SRRM4: variants seen among roughly 807,000 people sequenced by gnomAD.
SRRM4 encodes serine/arginine repetitive matrix 4.
SRRM4 carries 33 observed loss-of-function variants against 68.9 expected under a neutral mutation model. The ratio of observed to expected loss-of-function variants is 0.48; its 90% CI spans 0.36 to 0.64. The LOEUF (loss-of-function observed/expected upper bound fraction) is 0.64, where lower values mean the gene tolerates loss of function less well. Among genes scored for constraint, SRRM4 ranks in the 30% least tolerant of loss-of-function variants. The probability of loss-of-function intolerance (pLI) is 0.00; values close to 1 mark genes in which losing one functional copy is unlikely to be tolerated. For synonymous variants in SRRM4, 318 were observed against 318.8 expected (o/e 1.00, Z 0.03); for missense variants, 817 against 827.1 (o/e 0.99, Z 0.15).
chr12:119,109,881 C>T (rs921564615), intron 2 of SRRM4, among the ~76,000 whole-genome samples: 10 of 152,222 alleles, frequency 6.6e-5, no homozygotes, highest in African/African-American at 2.4e-4. Flanking sequence ...GAGCTGCGTT[C>T]CTTTGGAGGA....
chr12:119,008,737 C>A (rs1276582202), intron 1 of SRRM4, among the ~76,000 whole-genome samples: 4 of 152,162 alleles, frequency 2.6e-5, no homozygotes, highest in African/African-American at 9.7e-5. Context: ...GAAACCCCTC[C>A]CTCATCAGTG....
In SRRM4 at chr12:119,091,496, G is replaced by A. The variant is rs1954014188; in HGVS notation, c.132-10740G>A. ...AGTCACAGTGAGTGGGTCTCCAGAG[G>A]CAATCTTTGCAAGTGAGGCTGGAGA... On this transcript the variant is annotated intron_variant, in intron 1 of 12. Coordinates refer to ENST00000267260, the MANE Select transcript of SRRM4 (RefSeq NM_194286.4). 1.3e-5 allele frequency among the ~76,000 whole-genome samples: 2 copies of A among 152,120 alleles called. 1 individual carries two copies. Among genetic ancestry groups the A allele is most frequent in the South Asian group, 4.1e-4 (2 of 4,830 alleles).
At chr12:119,004,782 C>T (rs1343663708) in intron 1 of SRRM4, among the ~76,000 whole-genome samples, 2 of 151,938 alleles carry the variant, frequency 1.3e-5, no homozygotes, top group African/African-American at 2.4e-5. Context: ...CTGCCGAAGA[C>T]GTAGGGAGTG....
At chr12:119,119,779 G>T (rs1269842613) in intron 4 of SRRM4, among the ~76,000 whole-genome samples, 1 of 151,968 alleles carries the variant, frequency 6.6e-6, no homozygotes, top group Non-Finnish European at 1.5e-5. Context: ...GAGGAGGAAT[G>T]CACAACAAGG....
intron 3 of SRRM4, 28 bp downstream of exon 3, chr12:119,114,392 C>T (rs1349014365): frequency 4.5e-6 from 7 of 1,568,938 alleles, no homozygotes; most frequent in African/African-American, 2.7e-5. Context: ...GAGATAAAAC[C>T]TGTAAGATGC....
intron 1 of SRRM4, among the ~76,000 whole-genome samples, chr12:119,090,792 C>T (rs1471155278): frequency 6.6e-6 from 1 of 152,150 alleles, no homozygotes; most frequent in African/African-American, 2.4e-5. Context: ...AAGGCTGGCC[C>T]AGCTCTGACA....
intron 1 of SRRM4, among the ~76,000 whole-genome samples, chr12:118,997,016 T>C (rs1331114896): frequency 6.6e-6 from 1 of 152,212 alleles, no homozygotes; most frequent in African/African-American, 2.4e-5. Flanking sequence ...CAGTCTGCAC[T>C]GGGCAATCGC....
chr12:119,017,136 G>A (rs1953486731), intron 1 of SRRM4, among the ~76,000 whole-genome samples: 1 of 152,174 alleles, frequency 6.6e-6, no homozygotes, highest in Non-Finnish European at 1.5e-5. Context: ...ATCCCCTGAG[G>A]TTGTTTTATT....
intron 1 of SRRM4, among the ~76,000 whole-genome samples, chr12:119,015,926 GCCTTGCATAT>G (rs1953478181): frequency 6.6e-6 from 1 of 151,808 alleles, no homozygotes; most frequent in African/African-American, 2.4e-5. Flanking sequence ...GTAAATACAC[GCCTTGCATAT>G]TCATGCCCAC....
chr12:119,077,704 T>C (rs896797105), intron 1 of SRRM4, among the ~76,000 whole-genome samples: 8 of 152,224 alleles, frequency 5.3e-5, no homozygotes, highest in African/African-American at 1.9e-4. Context: ...AAGGGTTATG[T>C]ATTAAGTGAG....
chr12:118,982,606 A>G (rs2054647347), intron 1 of SRRM4, among the ~76,000 whole-genome samples: 1 of 151,122 alleles, frequency 6.6e-6, no homozygotes. Flanking sequence ...CAAGACTCTG[A>G]GCTCAGGAGT....
intron 7 of SRRM4, among the ~76,000 whole-genome samples, chr12:119,130,152 G>A (rs369077528): frequency 1.3e-3 from 197 of 151,888 alleles, no homozygotes; most frequent in African/African-American, 4.5e-3. Flanking sequence ...CGGATGGATG[G>A]ATGGATAGAT....
chr12:119,040,232 A>G (rs776022012), intron 1 of SRRM4, among the ~76,000 whole-genome samples: 1 of 151,922 alleles, frequency 6.6e-6, no homozygotes, highest in Admixed American at 6.6e-5. Flanking sequence ...ATTGGGGTAC[A>G]GGTGGTATTT....
chr12:118,986,365 A>C (rs1296700645), intron 1 of SRRM4, among the ~76,000 whole-genome samples: 1 of 152,074 alleles, frequency 6.6e-6, no homozygotes, highest in African/African-American at 2.4e-5. Flanking sequence ...GAAAGGTGAA[A>C]TTTGTTGAAT....
At chr12:119,084,780 G>T (rs1953969705) in intron 1 of SRRM4, among the ~76,000 whole-genome samples, 1 of 152,202 alleles carries the variant, frequency 6.6e-6, no homozygotes, top group African/African-American at 2.4e-5. Flanking sequence ...GACACAACAG[G>T]CTGAATAGTC....
At chr12:119,005,567 G>C (rs184504751) in intron 1 of SRRM4, among the ~76,000 whole-genome samples, 1 of 152,288 alleles carries the variant, frequency 6.6e-6, no homozygotes, top group East Asian at 1.9e-4. Flanking sequence ...TTACATCTCT[G>C]TCCACTGTTT....
At chr12:119,092,077 C>A (rs1954017414) in intron 1 of SRRM4, among the ~76,000 whole-genome samples, 1 of 152,156 alleles carries the variant, frequency 6.6e-6, no homozygotes. Context: ...TAACTTGGAG[C>A]TGTCAGTCAC....
chr12:119,025,875 G>A (rs1217414844), intron 1 of SRRM4, among the ~76,000 whole-genome samples: 1 of 152,106 alleles, frequency 6.6e-6, no homozygotes, highest in Non-Finnish European at 1.5e-5. Flanking sequence ...TTGGGCAAAA[G>A]CATCTTAGCC....
intron 1 of SRRM4, among the ~76,000 whole-genome samples, chr12:119,029,470 C>T (rs1198430795): frequency 2.6e-5 from 4 of 152,122 alleles, no homozygotes; most frequent in African/African-American, 4.8e-5. Context: ...ATCCATTCAA[C>T]AACCAATGAG....
Sources: allele counts gnomAD v4.1 joint callset (sites outside exome capture counted in the v4.1 genomes callset), GRCh38; gene constraint gnomAD v4.1.1; transcripts MANE v1.5; gene names NCBI Gene and HGNC (gene_info 2026-07-23, HGNC 2026-07-21).